SPIDR: variants seen among roughly 807,000 people sequenced by gnomAD.
SPIDR encodes scaffold protein involved in DNA repair.
In SPIDR, 93 loss-of-function variants were observed where a neutral mutation model predicts 104.6. The ratio of observed to expected loss-of-function variants is 0.89; its 90% confidence interval spans 0.75 to 1.06. SPIDR has a LOEUF of 1.06. SPIDR is among the 50% of genes least tolerant of loss of function. SPIDR has a pLI of 0.00. For synonymous variants in SPIDR, 431 were observed against 416.9 expected, an observed-to-expected ratio of 1.03 and a Z score of -0.41; for missense variants, 1,154 against 1,111.2, an observed-to-expected ratio of 1.04 and a Z score of -0.55.
chr8:47,302,822 A>T (rs965197647), intron 5 of SPIDR, among the ~76,000 whole-genome samples: 2 of 152,138 alleles, frequency 1.3e-5, no homozygotes, highest in Admixed American at 6.5e-5. Flanking sequence ...GTCTCAGAGG[A>T]GTACCTGGCC....
At chr8:47,605,947 C>A (rs985608162) in intron 10 of SPIDR, among the ~76,000 whole-genome samples, 3 of 152,152 alleles carry the variant, frequency 2.0e-5, no homozygotes, top group Non-Finnish European at 4.4e-5. Flanking sequence ...GCTGAGGAAG[C>A]TTGCTTGAAG....
intron 8 of SPIDR, among the ~76,000 whole-genome samples, chr8:47,492,396 A>G (rs782365899): frequency 2.6e-5 from 4 of 152,172 alleles, no homozygotes; most frequent in African/African-American, 9.7e-5. Flanking sequence ...CAGGTCTCTC[A>G]TCCCCAAGAA....
intron 8 of SPIDR, among the ~76,000 whole-genome samples, chr8:47,485,514 C>T (rs2077461916): frequency 1.3e-5 from 2 of 152,202 alleles, no homozygotes; most frequent in South Asian, 2.1e-4. Context: ...GTGGTTCTCC[C>T]AGCACAGAGT....
chr8:47,328,012 GT>G (rs532338445), intron 5 of SPIDR, among the ~76,000 whole-genome samples: 26 of 142,616 alleles, frequency 1.8e-4, no homozygotes, highest in Admixed American at 9.1e-4. Context: ...TTTTTTTTTG[GT>G]TTTTTTTTTT....
chr8:47,313,141 T>C (rs1327235929), intron 5 of SPIDR, among the ~76,000 whole-genome samples: 1 of 152,174 alleles, frequency 6.6e-6, no homozygotes, highest in African/African-American at 2.4e-5. Flanking sequence ...GCAGATGACA[T>C]GATTGCATAT....
At chr8:47,288,849 C>A (rs1021018589) in intron 3 of SPIDR, among the ~76,000 whole-genome samples, 2 of 152,194 alleles carry the variant, frequency 1.3e-5, no homozygotes, top group Admixed American at 1.3e-4. Context: ...TTTCAGACAT[C>A]ATCTTGTCAG....
intron 7 of SPIDR, among the ~76,000 whole-genome samples, chr8:47,427,833 G>A (rs868945475): frequency 7.2e-5 from 11 of 152,350 alleles, no homozygotes; most frequent in African/African-American, 2.2e-4. Flanking sequence ...TGAGGCTGGG[G>A]GCCCCTGAGA....
intron 8 of SPIDR, among the ~76,000 whole-genome samples, chr8:47,529,374 C>T (rs955422377): frequency 1.2e-4 from 18 of 151,962 alleles, no homozygotes; most frequent in Admixed American, 2.0e-4. Context: ...GCCGAGATCA[C>T]ATCACTGCAC....
At chr8:47,334,683 G>A (rs1195800921) in intron 5 of SPIDR, among the ~76,000 whole-genome samples, 2 of 152,116 alleles carry the variant, frequency 1.3e-5, no homozygotes, top group African/African-American at 2.4e-5. Context: ...TAGACAACAT[G>A]CAGTTGGCTC....
At chr8:47,701,665 T>G in intron 12 of SPIDR, 56 bp from the exon 13 acceptor site, 1 of 1,540,686 alleles carries the variant, frequency 6.5e-7, no homozygotes, top group Non-Finnish European at 8.9e-7. Flanking sequence ...TAATATCTCC[T>G]CTTTTTGAGT....
intron 8 of SPIDR, among the ~76,000 whole-genome samples, chr8:47,487,950 A>G (rs1204044352): frequency 6.6e-6 from 1 of 152,338 alleles, no homozygotes; most frequent in Admixed American, 6.5e-5. Flanking sequence ...AAAGAACTAG[A>G]TAAGCAAGAG....
intron 5 of SPIDR, among the ~76,000 whole-genome samples, chr8:47,298,943 T>G (rs1191662805): frequency 2.0e-5 from 3 of 152,186 alleles, no homozygotes; most frequent in African/African-American, 7.2e-5. Context: ...GCAGGCTCCT[T>G]TTTGGTTCCA....
At chr8:47,598,789 T>C (rs1194118689) in intron 9 of SPIDR, among the ~76,000 whole-genome samples, 157 bp from the exon 10 acceptor site, 1 of 152,152 alleles carries the variant, frequency 6.6e-6, no homozygotes, top group East Asian at 1.9e-4. Flanking sequence ...TGCCACAAGT[T>C]CCTTTATTTT....
At chr8:47,583,141 A>G (rs1172592475) in intron 8 of SPIDR, among the ~76,000 whole-genome samples, 1 of 105,888 alleles carries the variant, frequency 9.4e-6, no homozygotes, top group African/African-American at 2.6e-5. Context: ...TACTAAAAAT[A>G]CAAAAAAAAA....
At chr8:47,425,561 GTT>G (rs1387396623) in intron 7 of SPIDR, among the ~76,000 whole-genome samples, 3 of 152,134 alleles carry the variant, frequency 2.0e-5, no homozygotes, top group Non-Finnish European at 4.4e-5. Flanking sequence ...TGCCTAAACA[GTT>G]TTGGGATGGT....
At chr8:47,647,613 C>T (rs1219256440) in intron 10 of SPIDR, among the ~76,000 whole-genome samples, 2 of 20,456 alleles carry the variant, frequency 9.8e-5, no homozygotes, top group Admixed American at 5.9e-4. Flanking sequence ...GACTCCATCT[C>T]GAAAGAGAGA....
intron 16 of SPIDR, among the ~76,000 whole-genome samples, chr8:47,722,125 T>G (rs1248512498): frequency 2.0e-5 from 3 of 152,224 alleles, no homozygotes; most frequent in East Asian, 3.8e-4. Flanking sequence ...CCTAAGTATT[T>G]CATTTATTTT....
intron 10 of SPIDR, among the ~76,000 whole-genome samples, chr8:47,610,968 C>T (rs2063527162): frequency 6.6e-6 from 1 of 152,198 alleles, no homozygotes; most frequent in African/African-American, 2.4e-5. Flanking sequence ...TCTCATTTAA[C>T]CATAAATAAG....
At chr8:47,409,579 A>T (rs930835817) in intron 7 of SPIDR, among the ~76,000 whole-genome samples, 1 of 152,212 alleles carries the variant, frequency 6.6e-6, no homozygotes, top group Non-Finnish European at 1.5e-5. Context: ...GTTTCTGCAC[A>T]TGCTAGAATT....
Sources: allele counts gnomAD v4.1 joint callset (sites outside exome capture counted in the v4.1 genomes callset), GRCh38; gene constraint gnomAD v4.1.1; transcripts MANE v1.5; gene names NCBI Gene and HGNC (gene_info 2026-07-23, HGNC 2026-07-21).